ACSS3: variants seen among roughly 807,000 people sequenced by gnomAD.
ACSS3 encodes the protein acyl-CoA synthetase short-chain family member 3, mitochondrial.
In ACSS3, 64 loss-of-function variants were observed where a neutral mutation model predicts 84.2. That is an observed-to-expected ratio of 0.76 (90% CI 0.62 to 0.94). The LOEUF (loss-of-function observed/expected upper bound fraction) is 0.94. ACSS3 is among the 40% of genes least tolerant of loss of function. ACSS3 has a pLI of 0.00. For missense variants in ACSS3, 815 were observed against 867.6 expected (o/e 0.94, Z 0.76); for synonymous variants, 317 against 310.1 (o/e 1.02, Z -0.23).
At chr12:81,211,407 G>A (rs1331370180) in intron 9 of ACSS3, among the ~76,000 whole-genome samples, 1 of 152,068 alleles carries the variant, frequency 6.6e-6, no homozygotes, top group East Asian at 1.9e-4. Context: ...TATAAGAACT[G>A]CCAAATTCTC....
chr12:81,211,572 A>G (rs1298001330), intron 9 of ACSS3, among the ~76,000 whole-genome samples: 1 of 152,120 alleles, frequency 6.6e-6, no homozygotes, highest in Admixed American at 6.6e-5. Context: ...TATCATGTGA[A>G]TTGGTCCCTG....
At chr12:81,089,083 A>G (rs969292718) in intron 1 of ACSS3, among the ~76,000 whole-genome samples, 7 of 151,952 alleles carry the variant, frequency 4.6e-5, no homozygotes, top group Admixed American at 3.3e-4. Flanking sequence ...AGGAAAATCT[A>G]TAATGACCAC....
chr12:81,230,790 C>G (rs2033432093), intron 11 of ACSS3, among the ~76,000 whole-genome samples: 1 of 151,806 alleles, frequency 6.6e-6, no homozygotes, highest in African/African-American at 2.4e-5. Context: ...TGAAGCAATG[C>G]TTATTGCTAA....
rs2034322982 is a variant in ACSS3 at position 81,256,989 on chromosome 12, T to A, written c.*2067T>A. 1 of 152,152 alleles carries A rather than the reference T, an allele frequency of 6.6e-6. No homozygotes were observed. Among genetic ancestry groups the A allele is most frequent in the South Asian group, 2.1e-4 (1 of 4,834 alleles). The allele number at this position is 152,152 out of a possible 1,614,324, so 9.4% of individuals were successfully genotyped here. ...TTTAATGTCTTAGGAGTAGAATGTG[T>A]TTCCTTATTTTTTTTCAAATAAGAG... On this transcript the variant is annotated 3_prime_UTR_variant, in exon 16 of 16. Transcript: ENST00000548058.
At chr12:81,228,354 G>A (rs916611006) in intron 11 of ACSS3, among the ~76,000 whole-genome samples, 1 of 151,740 alleles carries the variant, frequency 6.6e-6, no homozygotes, top group African/African-American at 2.4e-5. Flanking sequence ...GACCTTTCTT[G>A]TAAGAATGAG....
At chr12:81,218,011 C>T (rs1001593203) in intron 10 of ACSS3, among the ~76,000 whole-genome samples, 1 of 152,014 alleles carries the variant, frequency 6.6e-6, no homozygotes, top group African/African-American at 2.4e-5. Flanking sequence ...TCTTGGATGG[C>T]TCTCTCTAGG....
At chr12:81,208,939 T>C (rs2032469406) in intron 9 of ACSS3, among the ~76,000 whole-genome samples, 1 of 152,186 alleles carries the variant, frequency 6.6e-6, no homozygotes, top group Admixed American at 6.5e-5. Context: ...GTGAATAGAA[T>C]ATATTCGATA....
chr12:81,087,805 T>C (rs1272298770), intron 1 of ACSS3, among the ~76,000 whole-genome samples: 3 of 152,106 alleles, frequency 2.0e-5, no homozygotes, highest in Non-Finnish European at 2.9e-5. Flanking sequence ...TTGCCACTCT[T>C]ATCAATGGGA....
In ACSS3 at chr12:81,102,660, A is replaced by C. The variant is rs569744370; in HGVS notation, c.312-6900A>C. 2.4e-4 allele frequency among the ~76,000 whole-genome samples: 31 copies of C among 127,672 alleles called. No homozygotes were observed. The South Asian group carries it at 4.2e-3, about 17-fold the overall frequency. 83.8% of individuals were successfully genotyped at this position (127,672 alleles called of 152,430 possible). A position where few individuals can be genotyped will look rare whatever the true frequency, so the allele number is the denominator to read the frequency against. On this transcript the variant is annotated intron_variant, in intron 1 of 15. Transcript: ENST00000548058. ...GCATGTTGAAACCCCATTTCTACTAAAACTACCAAAAAAAAAAAATTAGCT... is the reference window on the plus strand; with the variant it reads ...GCATGTTGAAACCCCATTTCTACTACAACTACCAAAAAAAAAAAATTAGCT...
intron 1 of ACSS3, among the ~76,000 whole-genome samples, chr12:81,108,812 C>T (rs2121509705): frequency 6.6e-6 from 1 of 152,062 alleles, no homozygotes; most frequent in East Asian, 1.9e-4. Context: ...ATTCTAATTC[C>T]CATTTTACTA....
chr12:81,150,948 G>C (rs1886582147), intron 5 of ACSS3, among the ~76,000 whole-genome samples: 1 of 152,026 alleles, frequency 6.6e-6, no homozygotes, highest in South Asian at 2.1e-4. Flanking sequence ...ACATGTGAAT[G>C]GAATATACCT....
At chr12:81,177,098 C>A (rs2030542306) in intron 8 of ACSS3, among the ~76,000 whole-genome samples, 1 of 152,056 alleles carries the variant, frequency 6.6e-6, no homozygotes, top group Non-Finnish European at 1.5e-5. Context: ...CAGAAAATGA[C>A]ATAAATAAAA....
intron 2 of ACSS3, among the ~76,000 whole-genome samples, chr12:81,125,409 T>C (rs966564829): frequency 4.6e-5 from 7 of 152,228 alleles, no homozygotes; most frequent in Admixed American, 3.3e-4. Context: ...TTCTTATTAA[T>C]TCCAATAGGT....
rs532913660 is a variant in ACSS3, at chr12:81,108,508, A to T, written c.312-1052A>T. Reference sequence around the variant, plus strand: ...TGGCCAGGTTGGTCTTGAACTTCTGACCTCGTGATCCACCCACCTCAGCCT... The same window carrying T: ...TGGCCAGGTTGGTCTTGAACTTCTGTCCTCGTGATCCACCCACCTCAGCCT... On this transcript the variant is annotated intron_variant, in intron 1 of 15. Transcript: ENST00000548058. Among the ~76,000 whole-genome samples the T allele has an allele frequency of 4.5e-4, 69 of 151,894 alleles. 1 individual carries two copies. Among genetic ancestry groups the T allele is most frequent in the Admixed American group, 4.5e-3 (68 of 15,256 alleles).
chr12:81,203,231 C>T (rs2032190241), intron 9 of ACSS3, among the ~76,000 whole-genome samples: 1 of 152,138 alleles, frequency 6.6e-6, no homozygotes, highest in Non-Finnish European at 1.5e-5. Flanking sequence ...TGGATGCACA[C>T]ATTCACCTTT....
intron 2 of ACSS3, among the ~76,000 whole-genome samples, chr12:81,133,605 T>G (rs1189038500): frequency 2.6e-5 from 4 of 152,126 alleles, no homozygotes; most frequent in Non-Finnish European, 4.4e-5. Context: ...ACTGTTGCTT[T>G]CTTAGTGAGC....
rs1166511231 is a variant in ACSS3, at chr12:81,220,091, C to T, written c.1514+15C>T. On this transcript the variant is annotated intron_variant, in intron 11 of 15. Coordinates refer to ENST00000548058, the MANE Select transcript of ACSS3 (RefSeq NM_024560.4). ...ATTGTGGTAAAGTAAGCAAAAATTTCAATACTACTATATTAAAGGGCAAAA... is the reference window on the plus strand; with the variant it reads ...ATTGTGGTAAAGTAAGCAAAAATTTTAATACTACTATATTAAAGGGCAAAA... The T allele has an allele frequency of 6.6e-7, 1 of 1,514,130 alleles. No homozygotes were observed. Among genetic ancestry groups the T allele is most frequent in the Non-Finnish European group, 8.9e-7 (1 of 1,124,986 alleles). 93.8% of individuals were successfully genotyped at this position (1,514,130 alleles called of 1,614,324 possible). A position where few individuals can be genotyped will look rare whatever the true frequency, so the allele number is the denominator to read the frequency against.
chr12:81,152,042 T>C lies in ACSS3; in HGVS notation c.1044T>C (p.His348=), dbSNP rs1321937288. 1.2e-6 allele frequency: 2 copies of C among 1,613,538 alleles called. No individual in the cohort carries two copies. The highest frequency in any genetic ancestry group is 3.3e-5 in the Admixed American group (2 of 59,956). The change falls in exon 7 of 16, where the codon CAT becomes CAC. Residue 348 remains histidine (H), a synonymous_variant. Transcript: ENST00000548058. The part of the protein sequence containing the change: ...AASDLGWVVG[H]SYICYGPLLH... ...CTGACTTAGGCTGGGTTGTTGGACATTCCTATATCTGCTATGGACCTCTTC... is the reference window on the plus strand; with the variant it reads ...CTGACTTAGGCTGGGTTGTTGGACACTCCTATATCTGCTATGGACCTCTTC...
chr12:81,231,074 G>T lies in ACSS3; in HGVS notation c.1532G>T (p.Gly511Val), dbSNP rs2033442759. The T allele has an allele frequency of 6.2e-7, 1 of 1,610,282 alleles. No homozygotes were observed. Among genetic ancestry groups the T allele is most frequent in the Non-Finnish European group, 8.5e-7 (1 of 1,178,056 alleles). Residue 511 changes from glycine to valine, a missense_variant, in exon 12 of 16, where the codon GGG becomes GTG. Coordinates refer to ENST00000548058, the MANE Select transcript of ACSS3 (RefSeq NM_024560.4). ...TATATAAGGTTACCATTGCCACCTG[G>T]GGCTTTTTCAGGACTCTGGAAGAAT... The part of the protein sequence containing the change: ...NIVVKLPLPP[G>V]AFSGLWKNQE...
Sources: gnomAD v4.1 joint callset for allele counts (sites outside exome capture counted in the v4.1 genomes callset) on GRCh38, gnomAD v4.1.1 for gene constraint, MANE v1.5 for transcripts, NCBI Gene and HGNC (gene_info 2026-07-23, HGNC 2026-07-21) for gene names.